The following KBTBD11 variants were observed in gnomAD, a reference collection of about 807,000 sequenced individuals.
KBTBD11 encodes kelch repeat and BTB domain containing 11, also known as kelch repeat and BTB domain-containing protein 11.
For synonymous variants in KBTBD11, 747 were observed against 499.0 expected (o/e 1.50, Z -6.63); for missense variants, 1,390 against 1,001.8 (o/e 1.39, Z -5.23).
At chr8:1,983,176 G>A (rs1816596614) in intron 1 of KBTBD11, among the ~76,000 whole-genome samples, 1 of 152,200 alleles carries the variant, frequency 6.6e-6, no homozygotes, top group African/African-American at 2.4e-5. Context: ...CAAAAGCAGA[G>A]CCACACCTAG....
rs1003450200 is a variant in KBTBD11 at position 2,003,562 on chromosome 8, A to T, written c.*498A>T. 1 of 167,528 alleles carries T rather than the reference A, an allele frequency of 6.0e-6. No homozygotes were observed. The highest frequency in any genetic ancestry group is 2.4e-5 in the African/African-American group (1 of 41,476). The allele number at this position is 167,528 out of a possible 1,614,324, so 10.4% of individuals were successfully genotyped here. A position where few individuals can be genotyped will look rare whatever the true frequency, so the allele number is the denominator to read the frequency against. On this transcript the variant is annotated 3_prime_UTR_variant, in exon 2 of 2. Coordinates refer to ENST00000320248, the MANE Select transcript of KBTBD11 (RefSeq NM_014867.3). ...TAAAGCTCTTTCTGATTTAGTTGAA[A>T]ATTTCGTACCATGTGCTCGCTTTGG...
chr8:1,982,553 G>A (rs560134916), intron 1 of KBTBD11, among the ~76,000 whole-genome samples: 76 of 152,286 alleles, frequency 5.0e-4, no homozygotes, highest in Admixed American at 3.7e-3. Context: ...AGAGTGAAGG[G>A]ATGGGAACAG....
At chr8:1,977,831 C>T (rs112055018) in intron 1 of KBTBD11, among the ~76,000 whole-genome samples, 2,861 of 152,246 alleles carry the variant, frequency 0.019, 90 homozygotes, top group African/African-American at 0.065. Context: ...CCACCACTCC[C>T]AGCTCAGAGC....
chr8:1,993,577 C>T (rs1433648977), intron 1 of KBTBD11, among the ~76,000 whole-genome samples: 2 of 144,876 alleles, frequency 1.4e-5, no homozygotes, highest in Non-Finnish European at 1.5e-5. Context: ...ATCCATCCAT[C>T]CATCCATCCA....
intron 1 of KBTBD11, among the ~76,000 whole-genome samples, chr8:1,979,646 A>G (rs1181156799): frequency 2.0e-5 from 3 of 152,330 alleles, no homozygotes; most frequent in African/African-American, 4.8e-5. Flanking sequence ...AACCCTTCAT[A>G]GTGACATTTG....
Position 1,973,855 on chromosome 8 carries a change from A to C in KBTBD11, c.-989A>C. 3.1e-6 allele frequency: 3 copies of C among 982,568 alleles called. No individual in the cohort carries two copies. The highest frequency in any genetic ancestry group is 3.6e-6 in the Non-Finnish European group (3 of 828,920). 60.9% of individuals were successfully genotyped at this position (982,568 alleles called of 1,614,324 possible). Reference sequence around the variant, plus strand: ...GGCCGCGGCTCCCACAGGTGCCGGGAAGCGGCCGCGCGCATGCGCCGGAGC... The same window carrying C: ...GGCCGCGGCTCCCACAGGTGCCGGGCAGCGGCCGCGCGCATGCGCCGGAGC... On this transcript the variant is annotated 5_prime_UTR_variant, in exon 1 of 2. Transcript: ENST00000320248.
Position 2,001,880 on chromosome 8 carries a change from CA to C in KBTBD11, c.689del (p.Gln230ArgfsTer2). 1 of 1,367,720 alleles carries C rather than the reference CA, an allele frequency of 7.3e-7. No individual in the cohort carries two copies. Among genetic ancestry groups the C allele is most frequent in the Non-Finnish European group, 9.5e-7 (1 of 1,048,982 alleles). The allele number at this position is 1,367,720 out of a possible 1,614,324, so 84.7% of individuals were successfully genotyped here. On this transcript the variant is annotated frameshift_variant, in exon 2 of 2. Coordinates refer to ENST00000320248, the MANE Select transcript of KBTBD11 (RefSeq NM_014867.3). LOFTEE classifies it low-confidence loss of function (END_TRUNC). Reference sequence around the variant, plus strand: ...GCGCGCCACCGACGCCGTGGGGCCGCAGCTGAGCCTGGCCAACTGCTACGAG... The same window carrying C: ...GCGCGCCACCGACGCCGTGGGGCCGCGCTGAGCCTGGCCAACTGCTACGAG... ...AQRATDAVGPQLSLANCYEVL... is the reference protein window; with the variant it reads ...AQRATDAVGPXLSLANCYEVL...
intron 1 of KBTBD11, among the ~76,000 whole-genome samples, chr8:1,991,721 G>A (rs1010176594): frequency 3.3e-5 from 5 of 152,014 alleles, no homozygotes; most frequent in Non-Finnish European, 7.4e-5. Flanking sequence ...GCACTGCCCT[G>A]AGGGAACCCA....
At chr8:1,992,751 A>T (rs911604494) in intron 1 of KBTBD11, among the ~76,000 whole-genome samples, 1 of 152,116 alleles carries the variant, frequency 6.6e-6, no homozygotes, top group Non-Finnish European at 1.5e-5. Context: ...GAAAATATTG[A>T]AACTCAGCAT....
intron 1 of KBTBD11, among the ~76,000 whole-genome samples, chr8:1,979,884 A>G (rs529223334): frequency 1.3e-4 from 20 of 152,142 alleles, no homozygotes; most frequent in East Asian, 1.2e-3. Flanking sequence ...GGGCTCTTGG[A>G]TCTCTTTGGG....
At chr8:1,992,535 C>G (rs1432006796) in intron 1 of KBTBD11, among the ~76,000 whole-genome samples, 2 of 151,756 alleles carry the variant, frequency 1.3e-5, no homozygotes, top group Admixed American at 1.3e-4. Flanking sequence ...AGAAATGCTC[C>G]CCATAGTTTA....
chr8:2,001,794 C>A lies in KBTBD11; in HGVS notation c.602C>A (p.Pro201His), dbSNP rs765958006. Residue 201 changes from proline to histidine, a missense_variant, in exon 2 of 2, where the codon CCC becomes CAC. Coordinates refer to ENST00000320248, the MANE Select transcript of KBTBD11 (RefSeq NM_014867.3). The part of the protein sequence containing the change: ...AYSGRMAGVR[P>H]DNVAEVVAGA... ...AGCGGGCGCATGGCGGGCGTGCGGC[C>A]CGACAACGTGGCCGAGGTGGTGGCC... The A allele has an allele frequency of 1.6e-6, 2 of 1,254,454 alleles. No homozygotes were observed. The highest frequency in any genetic ancestry group is 4.3e-5 in the Admixed American group (1 of 23,358). The allele number at this position is 1,254,454 out of a possible 1,614,324, so 77.7% of individuals were successfully genotyped here.
chr8:1,992,415 G>T (rs1816952933), intron 1 of KBTBD11, among the ~76,000 whole-genome samples: 1 of 151,510 alleles, frequency 6.6e-6, no homozygotes, highest in Non-Finnish European at 1.5e-5. Flanking sequence ...CCAGACGGAT[G>T]CCAGGAGAGG....
chr8:1,979,890 T>C (rs569175959), intron 1 of KBTBD11, among the ~76,000 whole-genome samples: 18 of 152,332 alleles, frequency 1.2e-4, no homozygotes, highest in South Asian at 1.0e-3. Flanking sequence ...TTGGATCTCT[T>C]TGGGGAGTCC....
chr8:1,975,695 G>A (rs138678106), intron 1 of KBTBD11, among the ~76,000 whole-genome samples: 90 of 152,366 alleles, frequency 5.9e-4, no homozygotes, highest in Middle Eastern at 3.4e-3. Context: ...AGGGGAGAAA[G>A]CTTAAATGTT....
intron 1 of KBTBD11, among the ~76,000 whole-genome samples, chr8:1,976,757 C>G (rs1162066841): frequency 6.6e-6 from 1 of 152,166 alleles, no homozygotes; most frequent in South Asian, 2.1e-4. Context: ...AATACATTCC[C>G]TTGAATGCAC....
At position 2,001,442 on chromosome 8, in the gene KBTBD11, G is replaced by A. The variant is rs1585760148; in HGVS notation, c.250G>A (p.Gly84Ser). Residue 84 changes from glycine to serine, a missense_variant, in exon 2 of 2, where the codon GGC (glycine) becomes AGC (serine). Gly to Ser is a moderately conservative substitution (Grantham distance 56, BLOSUM62 0). Transcript: ENST00000320248. ...VERQWEAGSA[G>S]AASPEELASP... Reference sequence around the variant, plus strand: ...GCGGCAGTGGGAGGCCGGCAGCGCGGGCGCCGCGTCCCCGGAGGAGCTCGC... The same window carrying A: ...GCGGCAGTGGGAGGCCGGCAGCGCGAGCGCCGCGTCCCCGGAGGAGCTCGC... 2 of 1,357,736 alleles carry A rather than the reference G, an allele frequency of 1.5e-6. No individual in the cohort carries two copies. Among genetic ancestry groups the A allele is most frequent in the Non-Finnish European group, 1.9e-6 (2 of 1,063,376 alleles). The allele number at this position is 1,357,736 out of a possible 1,614,324, so 84.1% of individuals were successfully genotyped here. A position where few individuals can be genotyped will look rare whatever the true frequency, so the allele number is the denominator to read the frequency against.
Position 2,002,741 on chromosome 8 carries a change from G to A in KBTBD11, c.1549G>A (p.Ala517Thr). The A allele has an allele frequency of 6.7e-7, 1 of 1,493,704 alleles. No homozygotes were observed. Among genetic ancestry groups the A allele is most frequent in the Non-Finnish European group, 8.9e-7 (1 of 1,128,604 alleles). 92.5% of individuals were successfully genotyped at this position (1,493,704 alleles called of 1,614,324 possible). ...LSGSRGEAQAAGPSGVSVSRY... is the reference protein window; with the variant it reads ...LSGSRGEAQATGPSGVSVSRY... ...CGGCAGCCGCGGCGAGGCGCAGGCG[G>A]CGGGGCCGAGCGGGGTCAGCGTGTC... The change falls in exon 2 of 2, where the codon GCG becomes ACG. Residue 517 changes from alanine to threonine, a missense_variant. Physicochemically the swap from Ala to Thr is moderately conservative, Grantham distance 58. Transcript: ENST00000320248. The surrounding 1 kb of genome is among the most constrained non-coding windows in gnomAD (Gnocchi z 4.1).
intron 1 of KBTBD11, 101 bp from the exon 2 acceptor site, chr8:2,000,184 A>G (rs1817286478): frequency 6.6e-6 from 1 of 152,252 alleles, no homozygotes; most frequent in Non-Finnish European, 1.5e-5. Flanking sequence ...ACTGAATTCT[A>G]TAATCTGAAC....
Sources: gnomAD v4.1 joint callset for allele counts (sites outside exome capture counted in the v4.1 genomes callset) on GRCh38, gnomAD v4.1.1 for gene constraint, Gnocchi (gnomAD v3.1) non-coding constraint, MANE v1.5 for transcripts, NCBI Gene and HGNC (gene_info 2026-07-23, HGNC 2026-07-21) for gene names.